The following PARN variants were observed in gnomAD, a reference collection of about 807,000 sequenced individuals.
PARN encodes the protein poly(A)-specific ribonuclease PARN.
In PARN, 71 loss-of-function variants were observed where a neutral mutation model predicts 102.8. The observed-to-expected ratio is 0.69, with a 90% CI of 0.57 to 0.84. PARN has a LOEUF of 0.84. Among genes scored for constraint, PARN ranks in the 40% least tolerant of loss-of-function variants. The pLI is 0.00. For synonymous variants in PARN, 261 were observed against 252.9 expected, an observed-to-expected ratio of 1.03 and a Z score of -0.30; for missense variants, 782 against 760.9, an observed-to-expected ratio of 1.03 and a Z score of -0.33.
intron 12 of PARN, among the ~76,000 whole-genome samples, chr16:14,596,067 T>C (rs931823954): frequency 1.4e-4 from 21 of 152,192 alleles, no homozygotes; most frequent in Non-Finnish European, 2.6e-4. Context: ...TGGTTCTTAG[T>C]TCTGTCCAGT....
chr16:14,565,642 T>C (rs750528335), intron 18 of PARN, among the ~76,000 whole-genome samples: 29 of 152,172 alleles, frequency 1.9e-4, no homozygotes, highest in Non-Finnish European at 3.5e-4. Context: ...GGCCAAACAT[T>C]GAGAGAAACG....
intron 21 of PARN, among the ~76,000 whole-genome samples, chr16:14,518,291 C>CAAA (rs34169116): frequency 1.1e-3 from 58 of 52,254 alleles, no homozygotes; most frequent in Non-Finnish European, 1.3e-3. Flanking sequence ...GACCCTGTCT[C>CAAA]AAAAAAAAAA....
intron 6 of PARN, among the ~76,000 whole-genome samples, chr16:14,615,558 G>A (rs967149732): frequency 2.6e-5 from 4 of 151,918 alleles, no homozygotes; most frequent in East Asian, 1.9e-4. Flanking sequence ...TATTACCTCC[G>A]AAGATCAAAA....
At chr16:14,470,333 T>C (rs1596467701) in intron 22 of PARN, among the ~76,000 whole-genome samples, 2 of 152,046 alleles carry the variant, frequency 1.3e-5, no homozygotes, top group South Asian at 2.1e-4. Flanking sequence ...GAAACCTTTC[T>C]ATGTTTTCAA....
At chr16:14,545,388 G>C (rs1029630654) in intron 21 of PARN, among the ~76,000 whole-genome samples, 1 of 152,050 alleles carries the variant, frequency 6.6e-6, no homozygotes, top group Admixed American at 6.6e-5. Context: ...GAAATCTAAC[G>C]AAATCCTAAG....
chr16:14,491,771 CA>C (rs959166605), intron 21 of PARN, among the ~76,000 whole-genome samples: 10 of 147,642 alleles, frequency 6.8e-5, no homozygotes, highest in Middle Eastern at 3.5e-3. Context: ...GACCCTATCT[CA>C]AAAAAAAAGG....
intron 7 of PARN, 142 bp from the exon 8 acceptor site, chr16:14,609,265 T>C (rs1971373663): frequency 1.7e-6 from 1 of 582,094 alleles, no homozygotes; most frequent in Admixed American, 3.4e-5. Flanking sequence ...GAAATTTTAG[T>C]TCAAAGACTT....
chr16:14,581,519 T>C (rs1346788673), intron 17 of PARN, among the ~76,000 whole-genome samples: 2 of 152,168 alleles, frequency 1.3e-5, no homozygotes, highest in Non-Finnish European at 2.9e-5. Flanking sequence ...GGTTCAATGT[T>C]TGTGTCCCCC....
At chr16:14,615,651 A>C (rs1001944949) in intron 6 of PARN, among the ~76,000 whole-genome samples, 3 of 152,210 alleles carry the variant, frequency 2.0e-5, no homozygotes, top group Admixed American at 2.0e-4. Flanking sequence ...CTGTAATCCC[A>C]GCACTTTAAG....
intron 2 of PARN, among the ~76,000 whole-genome samples, 200 bp downstream of exon 2, chr16:14,629,397 A>C (rs906335374): frequency 6.6e-6 from 1 of 152,254 alleles, no homozygotes; most frequent in African/African-American, 2.4e-5. Flanking sequence ...TCCTGAGTCC[A>C]ATCACAAACC....
intron 20 of PARN, among the ~76,000 whole-genome samples, chr16:14,553,539 T>A (rs965741930): frequency 4.6e-5 from 7 of 152,214 alleles, no homozygotes; most frequent in Non-Finnish European, 8.8e-5. Context: ...TAAGAGGCAT[T>A]GCTGTGGGTT....
chr16:14,550,972 T>C (rs1457511328), intron 21 of PARN, among the ~76,000 whole-genome samples: 1 of 152,026 alleles, frequency 6.6e-6, no homozygotes, highest in East Asian at 2.0e-4. Context: ...CCCCTCCTTT[T>C]TTTTTCAAGA....
intron 23 of PARN, among the ~76,000 whole-genome samples, chr16:14,444,599 A>G (rs755644525): frequency 4.5e-4 from 68 of 152,234 alleles, no homozygotes; most frequent in Non-Finnish European, 9.3e-4. Flanking sequence ...GTCCCTGAGG[A>G]GTAATAAACT....
chr16:14,574,054 C>G (rs1197857198), intron 18 of PARN, among the ~76,000 whole-genome samples: 2 of 152,122 alleles, frequency 1.3e-5, no homozygotes, highest in East Asian at 1.9e-4. Flanking sequence ...CAGAAGAAGA[C>G]AGAAAAATGT....
At chr16:14,548,949 T>C (rs1415475891) in intron 21 of PARN, among the ~76,000 whole-genome samples, 1 of 138,340 alleles carries the variant, frequency 7.2e-6, no homozygotes, top group Non-Finnish European at 1.5e-5. Flanking sequence ...AATGACCCTG[T>C]CTCAGAAAAG....
Position 14,539,434 on chromosome 16 carries a change from A to G in PARN, c.1480+12587T>C, listed in dbSNP as rs551720176. Among the ~76,000 whole-genome samples the G allele has an allele frequency of 8.5e-5, 13 of 152,304 alleles. No homozygotes were observed. In the East Asian group the frequency reaches 2.3e-3, roughly 27 times the overall value. ...TCTCATACCAGTTAATGCCCTAAAG[A>G]ATGCTAATTAGGGAGAGTCCAAGTT... On this transcript the variant is annotated intron_variant, in intron 21 of 23. Transcript: ENST00000437198.
At chr16:14,629,166 T>C (rs1972866857) in intron 2 of PARN, among the ~76,000 whole-genome samples, 1 of 152,210 alleles carries the variant, frequency 6.6e-6, no homozygotes, top group Non-Finnish European at 1.5e-5. Context: ...AGTTTCAGAC[T>C]GTGAAGATGA....
At chr16:14,572,537 GT>G (rs1299831255) in intron 18 of PARN, among the ~76,000 whole-genome samples, 1 of 152,116 alleles carries the variant, frequency 6.6e-6, no homozygotes, top group African/African-American at 2.4e-5. Flanking sequence ...GGCACCACAG[GT>G]TCCTTCCTCT....
chr16:14,568,060 A>G (rs992140523), intron 18 of PARN, among the ~76,000 whole-genome samples: 1 of 152,140 alleles, frequency 6.6e-6, no homozygotes, highest in African/African-American at 2.4e-5. Context: ...CACAGAACAC[A>G]CCGCCTGCTG....
Sources: gnomAD v4.1 joint callset for allele counts (sites outside exome capture counted in the v4.1 genomes callset) on GRCh38, gnomAD v4.1.1 for gene constraint, MANE v1.5 for transcripts, NCBI Gene and HGNC (gene_info 2026-07-23, HGNC 2026-07-21) for gene names.